Variants in CDCA5 observed in about 807,000 individuals in gnomAD.
The protein encoded by CDCA5 is sororin.
In CDCA5, 14 loss-of-function variants were observed where a neutral mutation model predicts 25.7. That is an observed-to-expected ratio of 0.54 (90% CI 0.36 to 0.85). The LOEUF (loss-of-function observed/expected upper bound fraction) is 0.85. Ranked by LOEUF, CDCA5 falls within the 40% of genes least tolerant of loss-of-function variation. The pLI is 0.01. For synonymous variants in CDCA5, 127 were observed against 128.7 expected (o/e 0.99, Z 0.09); for missense variants, 307 against 324.5 (o/e 0.95, Z 0.41).
chr11:65,070,031 G>A (rs1365964096), intron 1 of CDCA5, among the ~76,000 whole-genome samples: 2 of 152,236 alleles, frequency 1.3e-5, no homozygotes, highest in African/African-American at 4.8e-5. Context: ...CAGAGAGACT[G>A]CACACAGGAT....
chr11:65,080,302 T>C (rs35237323), intron 4 of CDCA5, among the ~76,000 whole-genome samples: 395 of 152,322 alleles, frequency 2.6e-3, no homozygotes, highest in Non-Finnish European at 4.1e-3. Flanking sequence ...CAAATGGACT[T>C]GCCCCCATCT....
chr11:65,065,863 C>A (rs1947228186), downstream of CDCA5, among the ~76,000 whole-genome samples: 1 of 151,950 alleles, frequency 6.6e-6, no homozygotes, highest in Non-Finnish European at 1.5e-5. Context: ...GGAGTTGCCA[C>A]CACCTCTCTC....
At chr11:65,067,606 G>T in intron 4 of CDCA5, 1 of 1,183,492 alleles carries the variant, frequency 8.4e-7, no homozygotes, top group Non-Finnish European at 1.1e-6. Flanking sequence ...GGCCTTGGTC[G>T]GGGGAAGCCC....
downstream of CDCA5, among the ~76,000 whole-genome samples, chr11:65,075,346 G>A (rs1268675952): frequency 3.3e-5 from 5 of 152,064 alleles, no homozygotes; most frequent in Non-Finnish European, 7.3e-5. Flanking sequence ...GCAGTCAGCC[G>A]AGATTGCACC....
chr11:65,077,414 T>C, downstream of CDCA5: 1 of 980,528 alleles, frequency 1.0e-6, no homozygotes, highest in Non-Finnish European at 1.2e-6. Context: ...GGCCTTACCT[T>C]CGGCTCTGCC....
In CDCA5 at chr11:65,078,920, T is replaced by C; in HGVS notation, c.*187A>G. 1.6e-6 allele frequency: 2 copies of C among 1,253,960 alleles called. No homozygotes were observed. The highest frequency in any genetic ancestry group is 2.0e-6 in the Non-Finnish European group (2 of 1,000,822). 77.7% of individuals were successfully genotyped at this position (1,253,960 alleles called of 1,614,324 possible). A position where few individuals can be genotyped will look rare whatever the true frequency, so the allele number is the denominator to read the frequency against. ...TGAGTGGCTGGGCCAGGCGGCCCCA[T>C]TTCCTAAAACCAAGATGGCTGCCGC... On this transcript the variant is annotated 3_prime_UTR_variant, in exon 6 of 6. Coordinates refer to ENST00000275517, the MANE Select transcript of CDCA5 (RefSeq NM_080668.4).
At chr11:65,079,891 CTTTT>C (rs56317442) in intron 4 of CDCA5, 104 bp from the exon 5 acceptor site, 1,129 of 542,604 alleles carry the variant, frequency 2.1e-3, no homozygotes, top group Middle Eastern at 3.2e-3. Context: ...AGGACACACA[CTTTT>C]TTTTTTTTTT....
At chr11:65,075,132 C>T (rs905486153), downstream of CDCA5, among the ~76,000 whole-genome samples, 14 of 148,282 alleles carry the variant, frequency 9.4e-5, no homozygotes, top group Non-Finnish European at 1.6e-4. Flanking sequence ...CACGGTGATT[C>T]ACGCCTATAA....
chr11:65,078,640 C>A lies in CDCA5; in HGVS notation c.*467G>T. On this transcript the variant is annotated 3_prime_UTR_variant, in exon 6 of 6. Transcript: ENST00000275517. ...CCACGGAACTGAAAACCTCTTTACA[C>A]AGGTGGGTTCAAGAAGAAAGCCACC... 1 of 990,016 alleles carries A rather than the reference C, an allele frequency of 1.0e-6. No individual in the cohort carries two copies. Among genetic ancestry groups the A allele is most frequent in the Non-Finnish European group, 1.2e-6 (1 of 833,250 alleles). 61.3% of individuals were successfully genotyped at this position (990,016 alleles called of 1,614,324 possible). A position where few individuals can be genotyped will look rare whatever the true frequency, so the allele number is the denominator to read the frequency against.
intron 1 of CDCA5, among the ~76,000 whole-genome samples, chr11:65,069,140 C>T (rs1283137137): frequency 3.5e-5 from 5 of 144,042 alleles, no homozygotes; most frequent in Non-Finnish European, 4.5e-5. Context: ...CTTGGGAGGC[C>T]GAGGTGGGAG....
intron 4 of CDCA5, among the ~76,000 whole-genome samples, chr11:65,080,028 C>T (rs1396816547): frequency 6.6e-6 from 1 of 151,864 alleles, no homozygotes; most frequent in Non-Finnish European, 1.5e-5. Context: ...GTAGCTGGGA[C>T]TACAGGCGCC....
chr11:65,079,922 G>T (rs1446134251), intron 4 of CDCA5, 135 bp from the exon 5 acceptor site: 25 of 604,158 alleles, frequency 4.1e-5, no homozygotes, highest in Non-Finnish European at 5.7e-5. Context: ...ACGGAGTCTT[G>T]CTCTCTCGCC....
At chr11:65,077,202 G>A (rs1219583386), downstream of CDCA5, among the ~76,000 whole-genome samples, 3 of 152,080 alleles carry the variant, frequency 2.0e-5, no homozygotes, top group Admixed American at 6.5e-5. Context: ...CAGGAGAATC[G>A]CTTGAACCTG....
At chr11:65,063,309 C>G (rs762670737), downstream of CDCA5, among the ~76,000 whole-genome samples, 1 of 152,186 alleles carries the variant, frequency 6.6e-6, no homozygotes, top group African/African-American at 2.4e-5. Context: ...GGTCTGGCCA[C>G]CCTCTTGGGC....
At position 65,078,984 on chromosome 11, in the gene CDCA5, C is replaced by A; in HGVS notation, c.*123G>T. On this transcript the variant is annotated 3_prime_UTR_variant, in exon 6 of 6. Transcript: ENST00000275517. ...CTCAAAGGCAGACAGTCCTCATGCG[C>A]AGCACCAGCACACACACAGGTAACA... The A allele has an allele frequency of 7.6e-7, 1 of 1,320,014 alleles. No homozygotes were observed. The highest frequency in any genetic ancestry group is 2.6e-5 in the South Asian group (1 of 37,740). The allele number at this position is 1,320,014 out of a possible 1,614,324, so 81.8% of individuals were successfully genotyped here.
intron 4 of CDCA5, 172 bp downstream of exon 4, chr11:65,083,192 T>C: frequency 1.4e-6 from 1 of 691,106 alleles, no homozygotes; most frequent in Non-Finnish European, 2.5e-6. Flanking sequence ...GTTAAGTGTA[T>C]TAAGTCTTCA....
chr11:65,080,233 G>C (rs930039541), intron 4 of CDCA5, among the ~76,000 whole-genome samples: 2 of 152,100 alleles, frequency 1.3e-5, no homozygotes, highest in African/African-American at 4.8e-5. Flanking sequence ...GACCCTGAAA[G>C]AGACATGGAG....
At chr11:65,071,181 A>T (rs1947335095) in intron 1 of CDCA5, among the ~76,000 whole-genome samples, 1 of 151,480 alleles carries the variant, frequency 6.6e-6, no homozygotes, top group South Asian at 2.1e-4. Flanking sequence ...TGACCTCATG[A>T]TCTGCCCGCC....
chr11:65,082,271 G>C (rs1421265036), intron 4 of CDCA5, among the ~76,000 whole-genome samples: 1 of 152,140 alleles, frequency 6.6e-6, no homozygotes, highest in African/African-American at 2.4e-5. Context: ...ACAGACCCAA[G>C]AATGATGCCC....
Sources: allele counts gnomAD v4.1 joint callset (sites outside exome capture counted in the v4.1 genomes callset), GRCh38; gene constraint gnomAD v4.1.1; transcripts MANE v1.5; gene names NCBI Gene and HGNC (gene_info 2026-07-23, HGNC 2026-07-21).